The following NELL1 variants were observed in gnomAD, a reference collection of about 807,000 sequenced individuals.
NELL1 encodes the protein neural EGFL like 1.
NELL1 carries 76 observed loss-of-function variants against 107.4 expected under a neutral mutation model. That is an observed-to-expected ratio of 0.71 (90% CI 0.59 to 0.86). The LOEUF is 0.86. Among genes scored for constraint, NELL1 ranks in the 40% least tolerant of loss-of-function variants. The pLI, the probability that NELL1 is intolerant of heterozygous loss-of-function variation, is 0.00. For missense variants in NELL1, 1,024 were observed against 1,005.5 expected (o/e 1.02, Z -0.25); for synonymous variants, 353 against 341.2 (o/e 1.03, Z -0.38).
chr11:20,697,327 G>A lies in NELL1; in HGVS notation c.184+19267G>A, dbSNP rs139183700. Among the ~76,000 whole-genome samples, 1,237 of 151,520 alleles carry A rather than the reference G, an allele frequency of 8.2e-3. 11 individuals are homozygous for A. Among genetic ancestry groups the A allele is most frequent in the African/African-American group, 0.028 (1,175 of 41,256 alleles). On this transcript the variant is annotated intron_variant, in intron 2 of 19. Coordinates refer to ENST00000357134, the MANE Select transcript of NELL1 (RefSeq NM_006157.5). Reference sequence around the variant, plus strand: ...CTTAGTGTTAAGTAGTTGGGAGGATGTGTCATCGGTGGTTCATTTATAAAA... The same window carrying A: ...CTTAGTGTTAAGTAGTTGGGAGGATATGTCATCGGTGGTTCATTTATAAAA...
intron 13 of NELL1, among the ~76,000 whole-genome samples, chr11:21,170,738 G>A (rs11025956): frequency 0.35 from 52,470 of 148,756 alleles, 9,670 homozygotes; most frequent in Middle Eastern, 0.41. Context: ...TCTATATAAA[G>A]TATATGTACA....
At chr11:20,935,372 G>A (rs577134938) in intron 9 of NELL1, among the ~76,000 whole-genome samples, 44 of 152,198 alleles carry the variant, frequency 2.9e-4, no homozygotes, top group Non-Finnish European at 5.9e-4. Flanking sequence ...CCAGTGGAAG[G>A]TGGATGGGGT....
intron 16 of NELL1, among the ~76,000 whole-genome samples, chr11:21,554,120 T>C (rs1291614189): frequency 6.6e-6 from 1 of 151,886 alleles, no homozygotes; most frequent in Non-Finnish European, 1.5e-5. Context: ...ATTTATTCTC[T>C]CTGCTGGTCA....
At chr11:21,293,093 G>A (rs1435387094) in intron 14 of NELL1, among the ~76,000 whole-genome samples, 1 of 152,024 alleles carries the variant, frequency 6.6e-6, no homozygotes, top group Non-Finnish European at 1.5e-5. Flanking sequence ...TAAATAAACT[G>A]AAGAGCTTCT....
chr11:21,113,799 C>T (rs561906584), intron 13 of NELL1, 85 bp downstream of exon 13: 13 of 1,388,400 alleles, frequency 9.4e-6, no homozygotes, highest in East Asian at 2.4e-5. Flanking sequence ...TCCTAGTGCA[C>T]AAAGTACTAT....
intron 4 of NELL1, among the ~76,000 whole-genome samples, chr11:20,867,037 C>T (rs1163396465): frequency 2.0e-5 from 3 of 152,184 alleles, no homozygotes; most frequent in Non-Finnish European, 4.4e-5. Context: ...TCACATCTAA[C>T]GTCTAATATC....
intron 14 of NELL1, among the ~76,000 whole-genome samples, chr11:21,337,500 AAAG>A (rs1850432053): frequency 1.3e-5 from 2 of 152,366 alleles, no homozygotes; most frequent in South Asian, 4.1e-4. Flanking sequence ...CAACAACAGA[AAAG>A]AAGGCTAGAC....
At chr11:20,917,413 G>A (rs1850281177) in intron 5 of NELL1, among the ~76,000 whole-genome samples, 1 of 151,908 alleles carries the variant, frequency 6.6e-6, no homozygotes, top group Non-Finnish European at 1.5e-5. Flanking sequence ...TACTCCCTCT[G>A]AAAGACTTGC....
At chr11:20,967,429 G>T (rs913808435) in intron 12 of NELL1, among the ~76,000 whole-genome samples, 1 of 152,024 alleles carries the variant, frequency 6.6e-6, no homozygotes, top group Non-Finnish European at 1.5e-5. Flanking sequence ...TCATGTAGCT[G>T]AAGTATTGTA....
intron 12 of NELL1, among the ~76,000 whole-genome samples, chr11:20,988,528 T>C (rs895050243): frequency 1.3e-5 from 2 of 151,334 alleles, no homozygotes; most frequent in Non-Finnish European, 2.9e-5. Flanking sequence ...TCTATCTATA[T>C]ACATATATGT....
chr11:21,148,389 A>G (rs1856034912), intron 13 of NELL1, among the ~76,000 whole-genome samples: 1 of 152,154 alleles, frequency 6.6e-6, no homozygotes. Context: ...AGAGACTGGT[A>G]TTTCAGTCAG....
intron 14 of NELL1, among the ~76,000 whole-genome samples, chr11:21,266,336 C>T (rs982508081): frequency 1.3e-5 from 2 of 151,912 alleles, no homozygotes; most frequent in East Asian, 1.9e-4. Flanking sequence ...CCTATTTTTA[C>T]TCTCTGCTAT....
intron 2 of NELL1, among the ~76,000 whole-genome samples, chr11:20,750,538 T>A (rs1450143118): frequency 6.6e-6 from 1 of 150,700 alleles, no homozygotes; most frequent in African/African-American, 2.4e-5. Flanking sequence ...ATGGCTTTTA[T>A]GTTTAGTATA....
chr11:21,122,521 G>A (rs1016376623), intron 13 of NELL1, among the ~76,000 whole-genome samples: 1 of 152,114 alleles, frequency 6.6e-6, no homozygotes, highest in Admixed American at 6.6e-5. Context: ...CTTTTTAGAA[G>A]TATAGTGAAG....
In NELL1 at chr11:20,910,331, G is replaced by GC. The variant is rs1850099738; in HGVS notation, c.604-7847dup. On this transcript the variant is annotated intron_variant, in intron 5 of 19. Coordinates refer to ENST00000357134, the MANE Select transcript of NELL1 (RefSeq NM_006157.5). ...CTGATCAAAGCAAGTCACAAGACTAGCCCCAGACTTAAGGGATGGGGAAAC... is the reference window on the plus strand; with the variant it reads ...CTGATCAAAGCAAGTCACAAGACTAGCCCCCAGACTTAAGGGATGGGGAAAC... Among the ~76,000 whole-genome samples the GC allele has an allele frequency of 2.0e-5, 3 of 152,176 alleles. No homozygotes were observed. The East Asian group carries it at 5.8e-4, about 29-fold the overall frequency.
At position 20,969,160 on chromosome 11, in the gene NELL1, T is replaced by C. The variant is rs570498672; in HGVS notation, c.1300+8600T>C. Among the ~76,000 whole-genome samples, 3 of 152,304 alleles carry C rather than the reference T, an allele frequency of 2.0e-5. No homozygotes were observed. In the East Asian group the frequency reaches 5.8e-4, roughly 29 times the overall value. On this transcript the variant is annotated intron_variant, in intron 12 of 19. Transcript: ENST00000357134. Reference sequence around the variant, plus strand: ...CAGATAGGATTTGACTACTTAACCATGCCCTTTTCACTTTCCTGTTGTATC... The same window carrying C: ...CAGATAGGATTTGACTACTTAACCACGCCCTTTTCACTTTCCTGTTGTATC...
chr11:20,972,395 G>A (rs1173750115), intron 12 of NELL1, among the ~76,000 whole-genome samples: 1 of 152,090 alleles, frequency 6.6e-6, no homozygotes, highest in African/African-American at 2.4e-5. Context: ...CTTGGAGTTA[G>A]CAGGAAAGAT....
chr11:20,683,528 G>A (rs1325815131), intron 2 of NELL1, among the ~76,000 whole-genome samples: 3 of 152,046 alleles, frequency 2.0e-5, no homozygotes, highest in South Asian at 2.1e-4. Context: ...TGCTCTTGCC[G>A]TTTCTGTTTT....
At chr11:21,370,101 C>T (rs967050571) in intron 14 of NELL1, among the ~76,000 whole-genome samples, 1 of 151,908 alleles carries the variant, frequency 6.6e-6, no homozygotes, top group Non-Finnish European at 1.5e-5. Context: ...GTTCATGGAG[C>T]TATTTTATGC....
Sources: gnomAD v4.1 joint callset for allele counts (sites outside exome capture counted in the v4.1 genomes callset) on GRCh38, gnomAD v4.1.1 for gene constraint, MANE v1.5 for transcripts, NCBI Gene and HGNC (gene_info 2026-07-23, HGNC 2026-07-21) for gene names.